The following ASPSCR1 variants were observed in gnomAD, a reference collection of about 807,000 sequenced individuals.
ASPSCR1 encodes ASPSCR1 tether for SLC2A4, UBX domain containing, also known as tether containing UBX domain for GLUT4.
A neutral mutation model predicts 68.9 loss-of-function variants in ASPSCR1; 55 were observed. The ratio of observed to expected loss-of-function variants is 0.80; its 90% CI spans 0.64 to 1.00. The LOEUF is 1.00. Among genes scored for constraint, ASPSCR1 ranks in the 50% least tolerant of loss-of-function variants. The pLI, the probability that ASPSCR1 is intolerant of heterozygous loss-of-function variation, is 0.00. For synonymous variants in ASPSCR1, 352 were observed against 332.6 expected (o/e 1.06, Z -0.63); for missense variants, 765 against 762.2 (o/e 1.00, Z -0.04).
intron 7 of ASPSCR1, among the ~76,000 whole-genome samples, chr17:82,000,393 G>A (rs1490838880): frequency 2.0e-5 from 3 of 152,180 alleles, no homozygotes; most frequent in African/African-American, 7.2e-5. Context: ...GAGGGCCTTT[G>A]ATCTGGGACT....
chr17:82,014,972 C>T, intron 12 of ASPSCR1: 1 of 1,321,222 alleles, frequency 7.6e-7, no homozygotes, highest in Non-Finnish European at 1.0e-6. Flanking sequence ...CATCCTGGGA[C>T]AGTGCTGGTG....
chr17:81,996,809 G>GGGAGCGGGATCCCCAGCAGGAGCA lies in ASPSCR1; in HGVS notation c.906_929dup (p.Asp302_Arg309dup). On this transcript the variant is annotated inframe_insertion, in exon 7 of 16. Coordinates refer to ENST00000306739, the MANE Select transcript of ASPSCR1 (RefSeq NM_024083.4). ...CCCCAGCAGGAGCAGGAGCAGGAGCGGGAGCGGGATCCCCAGCAGGAGCAG... is the reference window on the plus strand; with the variant it reads ...CCCCAGCAGGAGCAGGAGCAGGAGCGGGAGCGGGATCCCCAGCAGGAGCAGGAGCGGGATCCCCAGCAGGAGCAG... 6.2e-7 allele frequency: 1 copy of GGGAGCGGGATCCCCAGCAGGAGCA among 1,607,242 alleles called. No homozygotes were observed. The highest frequency in any genetic ancestry group is 8.5e-7 in the Non-Finnish European group (1 of 1,177,790).
chr17:81,992,270 G>A (rs1012217491), intron 4 of ASPSCR1, among the ~76,000 whole-genome samples: 6 of 152,130 alleles, frequency 3.9e-5, no homozygotes, highest in African/African-American at 9.7e-5. Context: ...GTGTCTCCTC[G>A]GGCGCTGGAA....
At chr17:81,985,865 G>T (rs1261761407) in intron 4 of ASPSCR1, among the ~76,000 whole-genome samples, 2 of 152,174 alleles carry the variant, frequency 1.3e-5, no homozygotes, top group African/African-American at 4.8e-5. Context: ...AGAAGAGCAG[G>T]AATGTGCTTC....
chr17:81,990,004 T>C lies in ASPSCR1; in HGVS notation c.374+4397T>C, dbSNP rs1424456520. ...CAGGGTTTCACCATGTTGGCCAGGC[T>C]GGTCAGGTGATCAGCCCGCCTCGGC... is the stretch of plus-strand genomic sequence containing the variant. On this transcript the variant is annotated intron_variant, in intron 4 of 15. Coordinates refer to ENST00000306739, the MANE Select transcript of ASPSCR1 (RefSeq NM_024083.4). This position sits in a 1 kb window ranked among gnomAD's most constrained non-coding sequence, Gnocchi z 4.1. 6.6e-6 allele frequency among the ~76,000 whole-genome samples: 1 copy of C among 152,222 alleles called. No individual in the cohort carries two copies. The highest frequency in any genetic ancestry group is 1.5e-5 in the Non-Finnish European group (1 of 68,034).
At chr17:81,998,349 C>G (rs2042423951) in intron 7 of ASPSCR1, among the ~76,000 whole-genome samples, 1 of 152,192 alleles carries the variant, frequency 6.6e-6, no homozygotes. Context: ...CTTGCTAGTT[C>G]TAGTGGCGTC....
intron 3 of ASPSCR1, among the ~76,000 whole-genome samples, chr17:81,984,760 C>T (rs373654070): frequency 2.6e-5 from 4 of 151,628 alleles, no homozygotes; most frequent in African/African-American, 7.3e-5. Context: ...ACTCCTGTGG[C>T]GCCTGCATGT....
At chr17:82,014,395 C>T (rs1377575879) in intron 12 of ASPSCR1, 5 of 153,278 alleles carry the variant, frequency 3.3e-5, no homozygotes, top group Admixed American at 3.2e-4. Context: ...CCTGCAGCCC[C>T]CACTCCCGCT....
At position 81,987,324 on chromosome 17, in the gene ASPSCR1, G is replaced by A. The variant is rs757596721; in HGVS notation, c.374+1717G>A. Among the ~76,000 whole-genome samples, 4 of 152,232 alleles carry A rather than the reference G, an allele frequency of 2.6e-5. No individual in the cohort carries two copies. The highest frequency in any genetic ancestry group is 4.8e-5 in the African/African-American group (2 of 41,448). On this transcript the variant is annotated intron_variant, in intron 4 of 15. Coordinates refer to ENST00000306739, the MANE Select transcript of ASPSCR1 (RefSeq NM_024083.4). This position sits in a 1 kb window ranked among gnomAD's most constrained non-coding sequence, Gnocchi z 5.6. ...GCACTGGGTGAGAAGCAGGGATCCC[G>A]GCGCCCTGGCTCTGTGCTGCTTCCT...
intron 9 of ASPSCR1, 33 bp from the exon 10 acceptor site, chr17:82,010,769 C>A (rs753889623): frequency 9.4e-6 from 15 of 1,603,936 alleles, no homozygotes; most frequent in Non-Finnish European, 1.2e-5. Flanking sequence ...CAGCTCCGGC[C>A]GTCCCTCCAA....
In ASPSCR1 at chr17:82,016,869, G is replaced by C; in HGVS notation, c.1475G>C (p.Arg492Thr). 6.2e-7 allele frequency: 1 copy of C among 1,612,560 alleles called. No homozygotes were observed. Residue 492 changes from arginine to threonine, a missense_variant and splice_region_variant, in exon 14 of 16, where the codon AGG (arginine) becomes ACG (threonine). Coordinates refer to ENST00000306739, the MANE Select transcript of ASPSCR1 (RefSeq NM_024083.4). ...SPSAADVLVA[R>T]YMSRAAGSPS... ...TCTGCGGCCGATGTGCTGGTGGCCAGGTAAGTGCCGGTGGGTCTGGGGGCA... is the reference window on the plus strand; with the variant it reads ...TCTGCGGCCGATGTGCTGGTGGCCACGTAAGTGCCGGTGGGTCTGGGGGCA...
intron 5 of ASPSCR1, 84 bp from the exon 6 acceptor site, chr17:81,995,908 C>T (rs1024670193): frequency 2.2e-6 from 3 of 1,378,578 alleles, no homozygotes; most frequent in Non-Finnish European, 3.0e-6. Flanking sequence ...GCCTGTGGTC[C>T]TGGTGGTGCC....
intron 2 of ASPSCR1, among the ~76,000 whole-genome samples, chr17:81,981,823 G>A (rs555644170): frequency 1.6e-4 from 24 of 151,724 alleles, no homozygotes; most frequent in African/African-American, 4.8e-4. Flanking sequence ...CACGTGCCAC[G>A]CCTGGCTAAT....
chr17:82,011,543 T>TG lies in ASPSCR1; in HGVS notation c.1243dup (p.Asp415GlyfsTer94). ...TGTATGTTCTTTTTCTCCTCTGCAG[T>TG]GGGGGACTTGCGAGACTTCGTGAGG... On this transcript the variant is annotated frameshift_variant and splice_region_variant, in exon 11 of 16. Transcript: ENST00000306739. LOFTEE classifies it high-confidence loss of function. 2 of 1,581,166 alleles carry TG rather than the reference T, an allele frequency of 1.3e-6. No homozygotes were observed. Among genetic ancestry groups the TG allele is most frequent in the Non-Finnish European group, 1.7e-6 (2 of 1,169,648 alleles).
At chr17:81,995,032 C>T (rs377590408) in intron 5 of ASPSCR1, 154 bp downstream of exon 5, 35 of 840,552 alleles carry the variant, frequency 4.2e-5, no homozygotes, top group Non-Finnish European at 4.9e-5. Flanking sequence ...AGGGAGTGGC[C>T]GGCCCTCGGA....
At chr17:82,002,005 T>C (rs1229550382) in intron 7 of ASPSCR1, among the ~76,000 whole-genome samples, 1 of 24,628 alleles carries the variant, frequency 4.1e-5, no homozygotes, top group South Asian at 7.2e-4. Flanking sequence ...TCTTTTTCCT[T>C]TTTTTTTTTT....
chr17:81,979,542 G>T (rs1455112472), intron 2 of ASPSCR1, among the ~76,000 whole-genome samples: 1 of 152,144 alleles, frequency 6.6e-6, no homozygotes, highest in Admixed American at 6.5e-5. Context: ...GAAGACCCTT[G>T]TCATTGGATT....
At chr17:82,001,633 A>C (rs992169112) in intron 7 of ASPSCR1, among the ~76,000 whole-genome samples, 1 of 152,052 alleles carries the variant, frequency 6.6e-6, no homozygotes, top group Non-Finnish European at 1.5e-5. Context: ...GAGAACTGGG[A>C]GTGTGGGGCT....
At position 81,980,084 on chromosome 17, in the gene ASPSCR1, G is replaced by A. The variant is rs183756791; in HGVS notation, c.158+845G>A. ...TGCAACCTCCACCTCCTAGGTTCAA[G>A]TGATTCTCCTGCCTCAGCCTCCCGA... On this transcript the variant is annotated intron_variant, in intron 2 of 15. Coordinates refer to ENST00000306739, the MANE Select transcript of ASPSCR1 (RefSeq NM_024083.4). Among the ~76,000 whole-genome samples the A allele has an allele frequency of 2.0e-5, 3 of 152,328 alleles. No homozygotes were observed. The East Asian group carries it at 5.8e-4, about 29-fold the overall frequency.
Sources: allele counts gnomAD v4.1 joint callset (sites outside exome capture counted in the v4.1 genomes callset), GRCh38; gene constraint gnomAD v4.1.1; non-coding constraint Gnocchi (gnomAD v3.1); transcripts MANE v1.5; gene names NCBI Gene and HGNC (gene_info 2026-07-23, HGNC 2026-07-21).